NRG1: variants seen among roughly 807,000 people sequenced by gnomAD.
NRG1 encodes neuregulin 1, also known as pro-neuregulin-1, membrane-bound isoform.
A neutral mutation model predicts 63.8 loss-of-function variants in NRG1; 18 were observed. The ratio of observed to expected loss-of-function variants is 0.28; its 90% CI spans 0.19 to 0.42. The LOEUF (loss-of-function observed/expected upper bound fraction) is 0.42. Among genes scored for constraint, NRG1 ranks in the 10% least tolerant of loss-of-function variants. The probability of loss-of-function intolerance (pLI) is 1.00; values close to 1 mark genes in which losing one functional copy is unlikely to be tolerated. For synonymous variants in NRG1, 302 were observed against 301.3 expected (o/e 1.00, Z -0.02); for missense variants, 762 against 814.7 (o/e 0.94, Z 0.79).
intron 1 of NRG1, among the ~76,000 whole-genome samples, chr8:32,413,613 T>C (rs970355002): frequency 6.6e-6 from 1 of 152,094 alleles, no homozygotes; most frequent in East Asian, 1.9e-4. Flanking sequence ...TAGAACACAT[T>C]CCCCCACAGA....
intron 2 of NRG1, among the ~76,000 whole-genome samples, chr8:32,600,108 CT>C (rs1192820408): frequency 2.6e-5 from 4 of 152,084 alleles, no homozygotes; most frequent in Non-Finnish European, 5.9e-5. Context: ...GGTACAGTGA[CT>C]GGTTCTGTTG....
rs138547797 is a variant in NRG1, at chr8:31,761,729, T to C, written c.37+122298T>C. Among the ~76,000 whole-genome samples, 586 of 152,212 alleles carry C rather than the reference T, an allele frequency of 3.8e-3. 1 individual carries two copies. The highest frequency in any genetic ancestry group is 0.02 in the Middle Eastern group (6 of 294). On this transcript the variant is annotated intron_variant, in intron 1 of 10. Coordinates refer to the NRG1 transcript ENST00000519301. The stretch of plus-strand genomic sequence containing the variant: ...ATTATGGTAGTAACATGAAAGATCA[T>C]TGATCGCAGATTACCATAACAAATA...
chr8:31,740,860 C>A (rs1411115221), intron 1 of NRG1, among the ~76,000 whole-genome samples: 1 of 151,914 alleles, frequency 6.6e-6, no homozygotes, highest in Non-Finnish European at 1.5e-5. Flanking sequence ...TCAGCAATCC[C>A]ATAATGGGTA....
chr8:32,126,250 G>T (rs1397427259), intron 1 of NRG1, among the ~76,000 whole-genome samples: 8 of 151,790 alleles, frequency 5.3e-5, no homozygotes, highest in African/African-American at 1.9e-4. Context: ...ACCTCACCCT[G>T]TTGACATAGT....
chr8:32,206,134 C>T (rs541388891), intron 1 of NRG1, among the ~76,000 whole-genome samples: 1 of 152,164 alleles, frequency 6.6e-6, no homozygotes, highest in Admixed American at 6.5e-5. Context: ...AATGCAAAAA[C>T]ATTAGAACTG....
At chr8:32,558,758 T>G (rs993595375) in intron 1 of NRG1, among the ~76,000 whole-genome samples, 2 of 152,146 alleles carry the variant, frequency 1.3e-5, no homozygotes, top group Non-Finnish European at 2.9e-5. Context: ...GCATAGTTGC[T>G]GAGTAATCCT....
intron 1 of NRG1, among the ~76,000 whole-genome samples, chr8:31,861,812 T>A (rs1828502023): frequency 1.3e-5 from 2 of 152,188 alleles, no homozygotes; most frequent in African/African-American, 4.8e-5. Flanking sequence ...AGTAATGTCA[T>A]CTTCTTCTGC....
At chr8:32,588,811 T>C (rs1302058498) in intron 1 of NRG1, among the ~76,000 whole-genome samples, 1 of 152,160 alleles carries the variant, frequency 6.6e-6, no homozygotes, top group African/African-American at 2.4e-5. Context: ...TATAACAAAA[T>C]ACTGAATTTT....
intron 1 of NRG1, among the ~76,000 whole-genome samples, chr8:32,525,820 T>G (rs1830778389): frequency 2.0e-5 from 3 of 152,142 alleles, no homozygotes; most frequent in Admixed American, 6.5e-5. Flanking sequence ...TCTTGTTGAT[T>G]TTCTTCTTTA....
intron 1 of NRG1, among the ~76,000 whole-genome samples, chr8:31,872,350 T>A (rs543412065): frequency 6.6e-6 from 1 of 152,332 alleles, no homozygotes; most frequent in African/African-American, 2.4e-5. Flanking sequence ...ATTCCTTCTT[T>A]CTTGTTCCAA....
intron 1 of NRG1, among the ~76,000 whole-genome samples, chr8:32,513,963 G>A (rs2129502691): frequency 6.6e-6 from 1 of 152,200 alleles, no homozygotes; most frequent in South Asian, 2.1e-4. Context: ...AATGCTCAAG[G>A]CCCAATTATG....
intron 1 of NRG1, among the ~76,000 whole-genome samples, chr8:31,681,052 A>G (rs1380161895): frequency 6.6e-6 from 1 of 152,128 alleles, no homozygotes. Flanking sequence ...AAAATTCTTT[A>G]TAAAGACTTG....
At chr8:32,203,528 C>T (rs1843711312) in intron 1 of NRG1, among the ~76,000 whole-genome samples, 1 of 151,822 alleles carries the variant, frequency 6.6e-6, no homozygotes, top group Non-Finnish European at 1.5e-5. Flanking sequence ...CACCAGCTAA[C>T]TTTTTTTATT....
rs544776639 is a variant in NRG1, at chr8:32,731,854, A to G, written c.632+3776A>G. Among the ~76,000 whole-genome samples, 18 of 152,288 alleles carry G rather than the reference A, an allele frequency of 1.2e-4. 1 individual carries two copies. The South Asian group carries it at 3.7e-3, about 32-fold the overall frequency. On this transcript the variant is annotated intron_variant, in intron 6 of 11. Coordinates refer to ENST00000356819, the Ensembl canonical transcript of NRG1. ...ATGGTCTATCTGTCTAGAGCTAAGC[A>G]TTGCTGAAGCATGAGCCACATCATT...
intron 1 of NRG1, among the ~76,000 whole-genome samples, chr8:32,374,546 G>T (rs900774015): frequency 6.6e-6 from 1 of 152,086 alleles, no homozygotes; most frequent in African/African-American, 2.4e-5. Flanking sequence ...GTTGTTTGAC[G>T]AATAGCAAAT....
intron 1 of NRG1, among the ~76,000 whole-genome samples, chr8:32,490,697 C>G (rs1826452885): frequency 2.0e-5 from 3 of 152,152 alleles, no homozygotes; most frequent in African/African-American, 7.2e-5. Context: ...TCATTTGTCT[C>G]AAGAAATGTT....
chr8:32,127,558 T>TG (rs1834257251), intron 1 of NRG1, among the ~76,000 whole-genome samples: 1 of 150,968 alleles, frequency 6.6e-6, no homozygotes, highest in Non-Finnish European at 1.5e-5. Context: ...TGTGTGTGTG[T>TG]TTAGAAATTC....
chr8:32,653,954 A>ATG (rs1166405297), intron 5 of NRG1, among the ~76,000 whole-genome samples: 4 of 149,846 alleles, frequency 2.7e-5, no homozygotes, highest in Non-Finnish European at 5.9e-5. Flanking sequence ...TATCGTGTGT[A>ATG]TGCGTGTGTG....
intron 1 of NRG1, among the ~76,000 whole-genome samples, chr8:31,755,694 A>G (rs1022703643): frequency 2.0e-5 from 3 of 152,098 alleles, no homozygotes; most frequent in African/African-American, 7.2e-5. Flanking sequence ...CAAATACTAT[A>G]TCTGGGGCAT....
Sources: allele counts gnomAD v4.1 joint callset (sites outside exome capture counted in the v4.1 genomes callset), GRCh38; gene constraint gnomAD v4.1.1; transcripts MANE v1.5; gene names NCBI Gene and HGNC (gene_info 2026-07-23, HGNC 2026-07-21).